Variants in AMZ1 observed in about 807,000 individuals in gnomAD.
AMZ1 encodes archaelysin family metallopeptidase 1.
Under a neutral mutation model 29.9 loss-of-function variants are expected in AMZ1, and 39 were observed. That is an observed-to-expected ratio of 1.30 (90% confidence interval 1.01 to 1.70). AMZ1 has a LOEUF of 1.70. Among genes scored for constraint, AMZ1 ranks in the 40% most tolerant of loss-of-function variants. AMZ1 has a pLI of 0.00. For synonymous variants in AMZ1, 458 were observed against 304.0 expected, an observed-to-expected ratio of 1.51 and a Z score of -5.27; for missense variants, 1,041 against 680.6, an observed-to-expected ratio of 1.53 and a Z score of -5.89.
chr7:2,762,986 G>C, upstream of AMZ1: 2 of 1,318,460 alleles, frequency 1.5e-6, no homozygotes, highest in Non-Finnish European at 1.9e-6. Context: ...AAGAGCCCTT[G>C]TGTGCTACTG....
chr7:2,711,186 C>G (rs1397185027), intron 6 of AMZ1, among the ~76,000 whole-genome samples: 2 of 152,200 alleles, frequency 1.3e-5, no homozygotes, highest in African/African-American at 2.4e-5. Context: ...GGCAAAGGCA[C>G]TCCAGGGTGG....
chr7:2,717,397 T>C lies in AMZ1; in HGVS notation c.*4519T>C, dbSNP rs921601004. 6.6e-6 allele frequency among the ~76,000 whole-genome samples: 1 copy of C among 151,824 alleles called. No homozygotes were observed. The highest frequency in any genetic ancestry group is 1.5e-5 in the Non-Finnish European group (1 of 67,964). On this transcript the variant is annotated 3_prime_UTR_variant, in exon 7 of 7. Coordinates refer to ENST00000683327, the MANE Select transcript of AMZ1 (RefSeq NM_001384743.1). ...GCTGGCTTTGCAGCTCCAGTAAGAG[T>C]GAGAGACTCACGGGGGCCTGGCTGC...
chr7:2,706,475 G>A (rs1026909656), intron 3 of AMZ1, among the ~76,000 whole-genome samples: 4 of 152,188 alleles, frequency 2.6e-5, no homozygotes, highest in Non-Finnish European at 4.4e-5. Context: ...GTCTCACATC[G>A]CTGGAGCCTG....
intron 1 of AMZ1, among the ~76,000 whole-genome samples, chr7:2,683,173 C>T (rs570452571): frequency 1.3e-5 from 2 of 152,348 alleles, no homozygotes; most frequent in African/African-American, 4.8e-5. Context: ...GGATGAGTTT[C>T]CTGCGGCTGC....
chr7:2,721,206 A>G (rs112865758), downstream of AMZ1, among the ~76,000 whole-genome samples: 1 of 152,118 alleles, frequency 6.6e-6, no homozygotes, highest in Non-Finnish European at 1.5e-5. Flanking sequence ...AGGCCAGGGG[A>G]GGGTGGAGCT....
At position 2,712,599 on chromosome 7, in the gene AMZ1, G is replaced by A. The variant is rs748086376; in HGVS notation, c.1218G>A (p.Glu406=). The A allele has an allele frequency of 7.4e-6, 12 of 1,612,704 alleles. No homozygotes were observed. Among genetic ancestry groups the A allele is most frequent in the East Asian group, 2.2e-5 (1 of 44,870 alleles). The change falls in exon 7 of 7, where the codon GAG becomes GAA. Residue 406 remains glutamate, a synonymous_variant. Coordinates refer to ENST00000683327, the MANE Select transcript of AMZ1 (RefSeq NM_001384743.1). ...PPGGPAEAIK[E]HERWLAMCIQ... ...GGGGCCCTGCGGAGGCCATCAAGGA[G>A]CATGAACGGTGGCTGGCCATGTGCA...
chr7:2,695,018 C>T (rs1029960846), intron 1 of AMZ1, among the ~76,000 whole-genome samples: 2 of 152,160 alleles, frequency 1.3e-5, no homozygotes, highest in African/African-American at 4.8e-5. Context: ...CGTGCGTTCA[C>T]CTGCCCTGGG....
intron 4 of AMZ1, among the ~76,000 whole-genome samples, chr7:2,751,471 G>C (rs1046891693): frequency 1.3e-5 from 2 of 149,068 alleles, no homozygotes; most frequent in Non-Finnish European, 3.0e-5. Context: ...CCACCTCAAA[G>C]AGCTTAATGA....
chr7:2,712,961 AGGGATAAAGAGGAAGGGTCTGCCT>A lies in AMZ1; in HGVS notation c.*87_*110del. On this transcript the variant is annotated 3_prime_UTR_variant, in exon 7 of 7. Coordinates refer to ENST00000683327, the MANE Select transcript of AMZ1 (RefSeq NM_001384743.1). ...TAGCTGAGGCCACTACTGACCTGCCAGGGATAAAGAGGAAGGGTCTGCCTGGGTGGTGGCTCAGGCCTGTCATCC... is the reference window on the plus strand; with the variant it reads ...TAGCTGAGGCCACTACTGACCTGCCAGGGTGGTGGCTCAGGCCTGTCATCC... The A allele has an allele frequency of 7.3e-7, 1 of 1,372,850 alleles. No homozygotes were observed. The highest frequency in any genetic ancestry group is 9.5e-7 in the Non-Finnish European group (1 of 1,049,742). 85.0% of individuals were successfully genotyped at this position (1,372,850 alleles called of 1,614,324 possible). A position where few individuals can be genotyped will look rare whatever the true frequency, so the allele number is the denominator to read the frequency against.
downstream of AMZ1, among the ~76,000 whole-genome samples, chr7:2,722,882 G>A (rs1789479922): frequency 1.3e-5 from 2 of 152,198 alleles, no homozygotes. Context: ...GAAGGCCAAG[G>A]TGGGAGGACT....
chr7:2,710,051 A>C (rs1010107538), intron 6 of AMZ1, among the ~76,000 whole-genome samples: 1 of 152,216 alleles, frequency 6.6e-6, no homozygotes, highest in Non-Finnish European at 1.5e-5. Flanking sequence ...GGGAGGTTGC[A>C]GCGGGGTCGA....
rs778661364 is a variant in AMZ1 at position 2,709,264 on chromosome 7, C to T, written c.771+20C>T. The T allele has an allele frequency of 3.4e-6, 5 of 1,486,048 alleles. No individual in the cohort carries two copies. The East Asian group carries it at 7.2e-5, about 22-fold the overall frequency. The allele number at this position is 1,486,048 out of a possible 1,614,324, so 92.1% of individuals were successfully genotyped here. On this transcript the variant is annotated intron_variant, in intron 5 of 6. Transcript: ENST00000683327. ...TGCAAGGTGGGTGGGGGCTCTGGGG[C>T]TGGTAAGAGGGGACAGGAGGGTGCT...
At chr7:2,730,689 T>A (rs1396624287) in intron 4 of AMZ1, 2 of 153,982 alleles carry the variant, frequency 1.3e-5, no homozygotes, top group Non-Finnish European at 2.9e-5. Context: ...TTTAGCAGCA[T>A]CGGCGTGCAC....
chr7:2,748,189 C>T (rs1583230544), intron 4 of AMZ1, among the ~76,000 whole-genome samples: 1 of 150,938 alleles, frequency 6.6e-6, no homozygotes, highest in Admixed American at 6.6e-5. Flanking sequence ...CAAAAAAGAG[C>T]CTGCATCGCC....
chr7:2,722,136 G>C (rs1485322269), downstream of AMZ1, among the ~76,000 whole-genome samples: 1 of 152,180 alleles, frequency 6.6e-6, no homozygotes. Context: ...CGTGGGCTGG[G>C]GCCTGAGCAC....
rs191630442 is a variant in AMZ1 at position 2,719,433 on chromosome 7, G to A, written c.*6555G>A. On this transcript the variant is annotated 3_prime_UTR_variant, in exon 7 of 7. Coordinates refer to ENST00000683327, the MANE Select transcript of AMZ1 (RefSeq NM_001384743.1). ...AGCCCAGAGCATCCCTTGGCCCGAC[G>A]CACAAGTCCCACAATAGCCTCTCCC... Among the ~76,000 whole-genome samples, 82 of 152,290 alleles carry A rather than the reference G, an allele frequency of 5.4e-4. 1 individual carries two copies. The East Asian group carries it at 9.8e-3, about 18-fold the overall frequency.
Position 2,695,918 on chromosome 7 carries a change from G to A in AMZ1, c.-218-4316G>A, listed in dbSNP as rs575907983. On this transcript the variant is annotated intron_variant, in intron 1 of 6. Coordinates refer to ENST00000683327, the MANE Select transcript of AMZ1 (RefSeq NM_001384743.1). Reference sequence around the variant, plus strand: ...CCAGCTACTCGGGAGGCTGAGGCAGGAGAATCGCTTGAACCCGGAGGCGGA... The same window carrying A: ...CCAGCTACTCGGGAGGCTGAGGCAGAAGAATCGCTTGAACCCGGAGGCGGA... Among the ~76,000 whole-genome samples the A allele has an allele frequency of 2.3e-4, 35 of 151,478 alleles. No homozygotes were observed. The East Asian group carries it at 6.6e-3, about 29-fold the overall frequency.
chr7:2,689,201 G>A (rs1169509837), intron 1 of AMZ1, among the ~76,000 whole-genome samples: 3 of 152,240 alleles, frequency 2.0e-5, no homozygotes, highest in Non-Finnish European at 4.4e-5. Flanking sequence ...AGCGCATTCA[G>A]AATAGCGAGA....
Position 2,717,160 on chromosome 7 carries a change from C to T in AMZ1, c.*4282C>T, listed in dbSNP as rs531547799. 2.6e-5 allele frequency among the ~76,000 whole-genome samples: 4 copies of T among 152,156 alleles called. No individual in the cohort carries two copies. Among genetic ancestry groups the T allele is most frequent in the South Asian group, 2.1e-4 (1 of 4,822 alleles). On this transcript the variant is annotated 3_prime_UTR_variant, in exon 7 of 7. Coordinates refer to ENST00000683327, the MANE Select transcript of AMZ1 (RefSeq NM_001384743.1). ...CTGAGGAGAGGCCTGGGTGGGTGGC[C>T]GGCACTCTTAGGTGAGGTGCCAACG...
Sources: allele counts gnomAD v4.1 joint callset (sites outside exome capture counted in the v4.1 genomes callset), GRCh38; gene constraint gnomAD v4.1.1; transcripts MANE v1.5; gene names NCBI Gene and HGNC (gene_info 2026-07-23, HGNC 2026-07-21).